The following LCLAT1 variants were observed in gnomAD, a reference collection of about 807,000 sequenced individuals.
LCLAT1 encodes 1-AGP acyltransferase 8.
A neutral mutation model predicts 30.7 loss-of-function variants in LCLAT1; 11 were observed. That is an observed-to-expected ratio of 0.36 (90% CI 0.23 to 0.59). The LOEUF (loss-of-function observed/expected upper bound fraction) is 0.59. Ranked by LOEUF, LCLAT1 falls within the 20% of genes least tolerant of loss-of-function variation. The pLI, the probability that LCLAT1 is intolerant of heterozygous loss-of-function variation, is 0.77. For synonymous variants in LCLAT1, 155 were observed against 151.3 expected (o/e 1.02, Z -0.18); for missense variants, 402 against 458.6 (o/e 0.88, Z 1.13).
intron 5 of LCLAT1, among the ~76,000 whole-genome samples, chr2:30,627,565 A>G (rs1019184697): frequency 1.3e-5 from 2 of 152,200 alleles, no homozygotes; most frequent in African/African-American, 4.8e-5. Flanking sequence ...ATTAAGTCAC[A>G]TTTATCAATA....
chr2:30,468,957 A>G (rs186508675), intron 1 of LCLAT1, among the ~76,000 whole-genome samples: 1 of 152,312 alleles, frequency 6.6e-6, no homozygotes, highest in East Asian at 1.9e-4. Flanking sequence ...TAGTGGGTAT[A>G]TAGTGATATC....
At chr2:30,638,628 C>T (rs1037345862) in intron 5 of LCLAT1, among the ~76,000 whole-genome samples, 4 of 152,196 alleles carry the variant, frequency 2.6e-5, no homozygotes, top group Admixed American at 1.3e-4. Context: ...CCAAACTTCT[C>T]GGCCTCTTAT....
At chr2:30,631,309 G>A (rs759326076) in intron 5 of LCLAT1, among the ~76,000 whole-genome samples, 23 of 152,284 alleles carry the variant, frequency 1.5e-4, no homozygotes, top group Non-Finnish European at 2.2e-4. Context: ...CTCCTCTCAT[G>A]TCTCATTGTC....
chr2:30,643,648 T>G lies in LCLAT1; in HGVS notation c.*3029T>G. 6.6e-6 allele frequency: 1 copy of G among 152,576 alleles called. No individual in the cohort carries two copies. Among genetic ancestry groups the G allele is most frequent in the Non-Finnish European group, 1.5e-5 (1 of 68,020 alleles). The allele number at this position is 152,576 out of a possible 1,614,324, so 9.5% of individuals were successfully genotyped here. On this transcript the variant is annotated 3_prime_UTR_variant, in exon 6 of 6. Transcript: ENST00000379509. ...CATTTGTTTCACCCAGACTTCAAACTCTAGCCCTGACTATGATGCCCCTGT... is the reference window on the plus strand; with the variant it reads ...CATTTGTTTCACCCAGACTTCAAACGCTAGCCCTGACTATGATGCCCCTGT...
chr2:30,449,838 A>G (rs1424699848), intron 1 of LCLAT1, among the ~76,000 whole-genome samples: 2 of 152,180 alleles, frequency 1.3e-5, no homozygotes, highest in Non-Finnish European at 2.9e-5. Context: ...CAAATCAATA[A>G]TTGGGATTTT....
chr2:30,488,635 T>G (rs1683678105), intron 1 of LCLAT1, among the ~76,000 whole-genome samples: 1 of 152,242 alleles, frequency 6.6e-6, no homozygotes, highest in Non-Finnish European at 1.5e-5. Context: ...CCTCTGGAAA[T>G]AAGTTTTAGC....
At chr2:30,467,429 T>TTA (rs1046592892) in intron 1 of LCLAT1, among the ~76,000 whole-genome samples, 5 of 152,386 alleles carry the variant, frequency 3.3e-5, no homozygotes, top group Admixed American at 2.6e-4. Context: ...GCAGCATGAT[T>TTA]TATAATCCTT....
At chr2:30,539,108 C>T (rs111598652) in intron 3 of LCLAT1, among the ~76,000 whole-genome samples, 14,502 of 151,802 alleles carry the variant, frequency 0.096, 730 homozygotes, top group East Asian at 0.12. Context: ...TACAGGCGCA[C>T]GCCACCACGC....
At chr2:30,480,951 CTCAGGACTG>C (rs763907501) in intron 1 of LCLAT1, among the ~76,000 whole-genome samples, 28 of 152,300 alleles carry the variant, frequency 1.8e-4, no homozygotes, top group Admixed American at 4.6e-4. Flanking sequence ...AAACGAAGCA[CTCAGGACTG>C]AGACAAAATC....
At chr2:30,551,034 G>A (rs762134829) in intron 3 of LCLAT1, among the ~76,000 whole-genome samples, 4 of 152,004 alleles carry the variant, frequency 2.6e-5, no homozygotes, top group Non-Finnish European at 5.9e-5. Flanking sequence ...GTTGGTGTGC[G>A]GTGGTGCGTT....
chr2:30,510,506 A>T (rs1388285801), intron 1 of LCLAT1, among the ~76,000 whole-genome samples: 2 of 152,148 alleles, frequency 1.3e-5, no homozygotes, highest in Non-Finnish European at 2.9e-5. Flanking sequence ...AGGTTTGTGG[A>T]ACGTTCTTTG....
At chr2:30,518,973 T>G (rs1289441452) in intron 1 of LCLAT1, among the ~76,000 whole-genome samples, 2 of 152,248 alleles carry the variant, frequency 1.3e-5, no homozygotes, top group Non-Finnish European at 2.9e-5. Context: ...TCAGAAACCT[T>G]GTGCCATTAA....
At chr2:30,449,251 A>C (rs1159006102) in intron 1 of LCLAT1, among the ~76,000 whole-genome samples, 2 of 152,172 alleles carry the variant, frequency 1.3e-5, no homozygotes, top group African/African-American at 4.8e-5. Context: ...TTCATGTACA[A>C]ATTTTTCATT....
In LCLAT1 at chr2:30,541,156, T is replaced by C. The variant is rs75236862; in HGVS notation, c.364+7842T>C. ...TTTTCTAGTGGAACTACTGTTTTCATACAGTCAAACTGATTAATCTTTTAC... is the reference window on the plus strand; with the variant it reads ...TTTTCTAGTGGAACTACTGTTTTCACACAGTCAAACTGATTAATCTTTTAC... On this transcript the variant is annotated intron_variant, in intron 3 of 5. Transcript: ENST00000379509. Among the ~76,000 whole-genome samples, 188 of 152,342 alleles carry C rather than the reference T, an allele frequency of 1.2e-3. 1 individual carries two copies. Among genetic ancestry groups the C allele is most frequent in the Non-Finnish European group, 1.8e-3 (124 of 68,014 alleles).
chr2:30,487,581 A>G (rs829675), intron 1 of LCLAT1, among the ~76,000 whole-genome samples: 109,483 of 152,072 alleles, frequency 0.72, 40,748 homozygotes, highest in East Asian at 0.87. Context: ...CATTTGAAAT[A>G]CTAAATACAA....
intron 4 of LCLAT1, among the ~76,000 whole-genome samples, chr2:30,563,193 C>T (rs1386974338): frequency 6.6e-6 from 1 of 152,004 alleles, no homozygotes; most frequent in African/African-American, 2.4e-5. Context: ...CACCTGGCTA[C>T]CAGATTTTAA....
intron 5 of LCLAT1, among the ~76,000 whole-genome samples, chr2:30,611,962 T>C (rs191729141): frequency 5.3e-4 from 81 of 152,264 alleles, no homozygotes; most frequent in African/African-American, 1.9e-3. Context: ...GTGAAATTTT[T>C]TTCAAGCTGG....
chr2:30,542,409 C>T (rs1030503390), intron 3 of LCLAT1, among the ~76,000 whole-genome samples: 8 of 152,198 alleles, frequency 5.3e-5, no homozygotes, highest in African/African-American at 1.7e-4. Context: ...AGTTTTCCAT[C>T]AGCTTTTATT....
At chr2:30,494,454 G>A (rs1250004580) in intron 1 of LCLAT1, among the ~76,000 whole-genome samples, 1 of 152,130 alleles carries the variant, frequency 6.6e-6, no homozygotes, top group Non-Finnish European at 1.5e-5. Context: ...GTAAGTGAAA[G>A]TGGACAATAA....
Sources: gnomAD v4.1 joint callset for allele counts (sites outside exome capture counted in the v4.1 genomes callset) on GRCh38, gnomAD v4.1.1 for gene constraint, MANE v1.5 for transcripts, NCBI Gene and HGNC (gene_info 2026-07-23, HGNC 2026-07-21) for gene names.